The following ADAM2 variants were observed in gnomAD, a reference collection of about 807,000 sequenced individuals.
The protein encoded by ADAM2 is disintegrin and metalloproteinase domain-containing protein 2.
In ADAM2, 101 loss-of-function variants were observed where a neutral mutation model predicts 99.3. That is an observed-to-expected ratio of 1.02 (90% CI 0.87 to 1.20). The LOEUF (loss-of-function observed/expected upper bound fraction) is 1.20. Among genes scored for constraint, ADAM2 ranks in the 50% most tolerant of loss-of-function variants. The pLI, the probability that ADAM2 is intolerant of heterozygous loss-of-function variation, is 0.00. For synonymous variants in ADAM2, 323 were observed against 287.6 expected (o/e 1.12, Z -1.25); for missense variants, 948 against 878.7 (o/e 1.08, Z -1.00).
intron 6 of ADAM2, chr8:39,817,797 G>A (rs1012404439): frequency 7.2e-5 from 11 of 151,826 alleles, no homozygotes; most frequent in South Asian, 6.2e-4. Flanking sequence ...AAATCGTACC[G>A]ATATTTAAAG....
intron 9 of ADAM2, 40 bp downstream of exon 9, chr8:39,788,045 T>G: frequency 1.5e-6 from 2 of 1,301,616 alleles, no homozygotes. Context: ...TGCATAAATT[T>G]TCTTCAGATA....
chr8:39,835,708 T>C (rs1456134849), intron 2 of ADAM2, among the ~76,000 whole-genome samples: 1 of 152,030 alleles, frequency 6.6e-6, no homozygotes, highest in Non-Finnish European at 1.5e-5. Context: ...CTAGTAATTT[T>C]AGGTTGAATA....
At chr8:39,801,789 C>G (rs1310836741) in intron 7 of ADAM2, among the ~76,000 whole-genome samples, 1 of 152,140 alleles carries the variant, frequency 6.6e-6, no homozygotes, top group East Asian at 1.9e-4. Context: ...GAGAGGCACG[C>G]TGGCCGCATA....
At chr8:39,788,881 T>C in intron 7 of ADAM2, 141 bp from the exon 8 acceptor site, 1 of 449,848 alleles carries the variant, frequency 2.2e-6, no homozygotes, top group Non-Finnish European at 3.8e-6. Flanking sequence ...CATTATTTTC[T>C]TATACAAATT....
chr8:39,779,097 C>T (rs1390632720), intron 10 of ADAM2, among the ~76,000 whole-genome samples: 1 of 151,664 alleles, frequency 6.6e-6, no homozygotes, highest in Non-Finnish European at 1.5e-5. Context: ...TATTGTATTT[C>T]CTTTCAAAGA....
chr8:39,751,615 A>G (rs1378171911), intron 16 of ADAM2, among the ~76,000 whole-genome samples: 2 of 152,228 alleles, frequency 1.3e-5, no homozygotes, highest in East Asian at 3.8e-4. Context: ...AGCTAGCTAA[A>G]AAAATTAAAA....
intron 7 of ADAM2, among the ~76,000 whole-genome samples, chr8:39,807,312 T>C (rs1586133707): frequency 6.6e-6 from 1 of 152,184 alleles, no homozygotes; most frequent in African/African-American, 2.4e-5. Flanking sequence ...TCAGTATGAA[T>C]TGTACATCCT....
intron 10 of ADAM2, 100 bp downstream of exon 10, chr8:39,786,874 A>T: frequency 1.2e-6 from 1 of 851,556 alleles, no homozygotes; most frequent in Non-Finnish European, 1.8e-6. Context: ...AAAGATGCTT[A>T]GAACAATGCA....
intron 18 of ADAM2, 44 bp downstream of exon 18, chr8:39,749,268 C>G (rs1396640177): frequency 6.7e-7 from 1 of 1,499,902 alleles, no homozygotes; most frequent in Non-Finnish European, 9.1e-7. Context: ...TTAATAAATT[C>G]AAATTATGTT....
intron 6 of ADAM2, among the ~76,000 whole-genome samples, chr8:39,813,172 CTCA>C (rs1804775401): frequency 6.6e-6 from 1 of 152,110 alleles, no homozygotes. Context: ...TGAAAAAATG[CTCA>C]TCATCACTGG....
intron 6 of ADAM2, among the ~76,000 whole-genome samples, chr8:39,817,254 T>C (rs999066287): frequency 6.6e-6 from 1 of 152,098 alleles, no homozygotes; most frequent in Non-Finnish European, 1.5e-5. Flanking sequence ...TAAAAGTAGA[T>C]GCAATAAATA....
intron 10 of ADAM2, among the ~76,000 whole-genome samples, chr8:39,782,172 T>C (rs1003008194): frequency 6.6e-6 from 1 of 152,190 alleles, no homozygotes; most frequent in African/African-American, 2.4e-5. Flanking sequence ...GATGTCTCTT[T>C]TTACATTAAG....
At chr8:39,761,116 T>C in intron 15 of ADAM2, 60 bp downstream of exon 15, 7 of 1,048,972 alleles carry the variant, frequency 6.7e-6, no homozygotes, top group Non-Finnish European at 9.5e-6. Flanking sequence ...AATTGTTTGA[T>C]GGTATTTTCA....
At chr8:39,749,252 T>C in intron 18 of ADAM2, 60 bp downstream of exon 18, 1 of 1,414,392 alleles carries the variant, frequency 7.1e-7, no homozygotes. Flanking sequence ...TTATTTGTTA[T>C]CCAATTTAAT....
rs140548464 is a variant in ADAM2 at position 39,829,326 on chromosome 8, T to C, written c.189-4429A>G. Among the ~76,000 whole-genome samples the C allele has an allele frequency of 3.0e-3, 458 of 152,092 alleles. 5 individuals carry two copies. Among genetic ancestry groups the C allele is most frequent in the African/African-American group, 0.01 (422 of 41,554 alleles). ...GAGAAAAGGTCAGATTAGAAATATC[T>C]TTTGACAAAGAACAAATGTCTTAAA... On this transcript the variant is annotated intron_variant, in intron 3 of 20. Transcript: ENST00000265708.
chr8:39,792,844 A>C (rs892720354), intron 7 of ADAM2, among the ~76,000 whole-genome samples: 1 of 152,126 alleles, frequency 6.6e-6, no homozygotes, highest in African/African-American at 2.4e-5. Flanking sequence ...CCATACATAG[A>C]AAATGCTTTT....
At chr8:39,789,632 T>A (rs1803619910) in intron 7 of ADAM2, among the ~76,000 whole-genome samples, 1 of 151,710 alleles carries the variant, frequency 6.6e-6, no homozygotes, top group Non-Finnish European at 1.5e-5. Flanking sequence ...CAGAAATAGA[T>A]TCTAACATTT....
chr8:39,814,338 G>T (rs1477813966), intron 6 of ADAM2, among the ~76,000 whole-genome samples: 2 of 150,824 alleles, frequency 1.3e-5, no homozygotes, highest in Non-Finnish European at 3.0e-5. Context: ...CAGTCTGGGT[G>T]ACAGAGTGAG....
At chr8:39,779,993 G>A (rs1163854890) in intron 10 of ADAM2, among the ~76,000 whole-genome samples, 1 of 151,998 alleles carries the variant, frequency 6.6e-6, no homozygotes, top group Non-Finnish European at 1.5e-5. Context: ...GAGTGTATTA[G>A]TCTTCTCTCA....
Sources: gnomAD v4.1 joint callset for allele counts (sites outside exome capture counted in the v4.1 genomes callset) on GRCh38, gnomAD v4.1.1 for gene constraint, MANE v1.5 for transcripts, NCBI Gene and HGNC (gene_info 2026-07-23, HGNC 2026-07-21) for gene names.